Variants in NXPE2 observed in about 807,000 individuals in gnomAD.
NXPE2 encodes neurexophilin and PC-esterase domain family member 2.
A neutral mutation model predicts 34.4 loss-of-function variants in NXPE2; 34 were observed. The observed-to-expected ratio is 0.99, with a 90% CI of 0.75 to 1.31. NXPE2 has a LOEUF of 1.31. Ranked by LOEUF, NXPE2 falls within the 40% of genes most tolerant of loss-of-function variation. NXPE2 has a pLI of 0.00. For synonymous variants in NXPE2, 235 were observed against 231.3 expected, an observed-to-expected ratio of 1.02 and a Z score of -0.15; for missense variants, 649 against 672.5, an observed-to-expected ratio of 0.97 and a Z score of 0.39.
At chr11:114,637,245 G>T in the NXPE2 span, among the ~76,000 whole-genome samples, 1 of 151,650 alleles carries the variant, frequency 6.6e-6, no homozygotes, top group African/African-American at 2.4e-5. Context: ...TTTGATCTTT[G>T]TTGGTTTAAA....
chr11:114,478,078 C>T, the NXPE2 span, among the ~76,000 whole-genome samples: 288 of 151,940 alleles, frequency 1.9e-3, 1 homozygote, highest in Middle Eastern at 3.4e-3. Context: ...CCCTCCCCCA[C>T]CCCAAGTACG....
the NXPE2 span, among the ~76,000 whole-genome samples, chr11:114,780,201 GTC>G: frequency 6.6e-6 from 1 of 152,216 alleles, no homozygotes; most frequent in Non-Finnish European, 1.5e-5. Flanking sequence ...GAGAGGCCGA[GTC>G]TCTTCAGGAG....
At chr11:114,522,279 A>G in the NXPE2 span, 2 of 1,614,064 alleles carry the variant, frequency 1.2e-6, no homozygotes, top group South Asian at 1.1e-5. Context: ...TCAATGGGAA[A>G]TGGTCTAAAG....
chr11:114,630,647 G>A, the NXPE2 span, among the ~76,000 whole-genome samples: 8 of 150,638 alleles, frequency 5.3e-5, no homozygotes, highest in South Asian at 4.2e-4. Flanking sequence ...CAAAAGCAAT[G>A]GCAACAAAAG....
the NXPE2 span, among the ~76,000 whole-genome samples, chr11:114,638,621 G>C: frequency 6.6e-6 from 1 of 151,988 alleles, no homozygotes; most frequent in African/African-American, 2.4e-5. Context: ...TTTGATGATG[G>C]TGATGTACAG....
At chr11:114,804,754 A>G in the NXPE2 span, among the ~76,000 whole-genome samples, 1 of 152,146 alleles carries the variant, frequency 6.6e-6, no homozygotes, top group Non-Finnish European at 1.5e-5. Context: ...CTTCTTTAAC[A>G]AAGTTTAATA....
chr11:114,677,740 T>C (rs1950874437), upstream of NXPE2, among the ~76,000 whole-genome samples: 1 of 152,066 alleles, frequency 6.6e-6, no homozygotes, highest in Admixed American at 6.6e-5. Context: ...TATACACATG[T>C]ATATATCCAT....
the NXPE2 span, among the ~76,000 whole-genome samples, chr11:114,650,418 G>A: frequency 6.6e-6 from 1 of 152,228 alleles, no homozygotes; most frequent in South Asian, 2.1e-4. Flanking sequence ...AAGACTCAGA[G>A]AAGACCAGGA....
At chr11:114,779,815 C>T in the NXPE2 span, among the ~76,000 whole-genome samples, 3 of 152,094 alleles carry the variant, frequency 2.0e-5, no homozygotes, top group South Asian at 4.2e-4. Flanking sequence ...GTGATTCCTC[C>T]GACTTACTTC....
At chr11:114,504,970 A>G in the NXPE2 span, among the ~76,000 whole-genome samples, 1 of 152,198 alleles carries the variant, frequency 6.6e-6, no homozygotes, top group Non-Finnish European at 1.5e-5. Context: ...AACCCAATAC[A>G]AGGAAGCTAA....
chr11:114,598,456 C>A, the NXPE2 span, among the ~76,000 whole-genome samples: 1 of 152,230 alleles, frequency 6.6e-6, no homozygotes. Flanking sequence ...CTCCACACTG[C>A]CCTAGTAGAG....
chr11:114,474,499 A>G, the NXPE2 span, among the ~76,000 whole-genome samples: 2 of 152,198 alleles, frequency 1.3e-5, no homozygotes, highest in Admixed American at 6.5e-5. Context: ...GATTAATTGC[A>G]TTAAATGCTA....
chr11:114,591,866 G>T, the NXPE2 span, among the ~76,000 whole-genome samples: 21 of 152,200 alleles, frequency 1.4e-4, no homozygotes, highest in African/African-American at 4.1e-4. Context: ...ATTGACCAGG[G>T]TATATTATGT....
At chr11:114,556,126 G>C in the NXPE2 span, among the ~76,000 whole-genome samples, 452 of 152,278 alleles carry the variant, frequency 3.0e-3, 3 homozygotes, top group African/African-American at 0.011. Context: ...GGTAAATTTG[G>C]GGAGAATTGC....
chr11:114,679,247 CGTGT>C (rs5794927), intron 1 of NXPE2, among the ~76,000 whole-genome samples: 14 of 135,750 alleles, frequency 1.0e-4, no homozygotes, highest in East Asian at 2.2e-4. Flanking sequence ...CATGTGTGTG[CGTGT>C]GTGTGTGTGT....
the NXPE2 span, chr11:114,523,074 CT>C: frequency 6.2e-7 from 1 of 1,612,774 alleles, no homozygotes; most frequent in South Asian, 1.1e-5. Flanking sequence ...TGGCATGTCT[CT>C]TCTATTTTTT....
chr11:114,780,360 G>C, the NXPE2 span, among the ~76,000 whole-genome samples: 1 of 152,198 alleles, frequency 6.6e-6, no homozygotes, highest in Non-Finnish European at 1.5e-5. Flanking sequence ...CAAACACCAC[G>C]AGGATGAGGA....
chr11:114,539,389 A>T, the NXPE2 span, among the ~76,000 whole-genome samples: 19 of 152,078 alleles, frequency 1.2e-4, no homozygotes, highest in African/African-American at 4.3e-4. Flanking sequence ...CATATGTAAC[A>T]AACCTGCACG....
chr11:114,548,955 A>C, the NXPE2 span, among the ~76,000 whole-genome samples: 1 of 151,980 alleles, frequency 6.6e-6, no homozygotes, highest in Non-Finnish European at 1.5e-5. Flanking sequence ...ATGCAAAATT[A>C]GACATCTTTG....
Sources: gnomAD v4.1 joint callset for allele counts (sites outside exome capture counted in the v4.1 genomes callset) on GRCh38, gnomAD v4.1.1 for gene constraint, MANE v1.5 for transcripts, NCBI Gene and HGNC (gene_info 2026-07-23, HGNC 2026-07-21) for gene names.